Variants in STAT4 observed in about 807,000 individuals in gnomAD.
The protein encoded by STAT4 is signal transducer and activator of transcription 4.
A neutral mutation model predicts 110.5 loss-of-function variants in STAT4; 42 were observed. That is an observed-to-expected ratio of 0.38 (90% confidence interval 0.30 to 0.49). The LOEUF (loss-of-function observed/expected upper bound fraction) is 0.49. Among genes scored for constraint, STAT4 ranks in the 20% least tolerant of loss-of-function variants. The pLI, the probability that STAT4 is intolerant of heterozygous loss-of-function variation, is 0.95. For synonymous variants in STAT4, 284 were observed against 302.2 expected, an observed-to-expected ratio of 0.94 and a Z score of 0.63; for missense variants, 632 against 887.9, an observed-to-expected ratio of 0.71 and a Z score of 3.66.
At chr2:191,048,939 T>C (rs1696439088) in intron 14 of STAT4, among the ~76,000 whole-genome samples, 1 of 151,374 alleles carries the variant, frequency 6.6e-6, no homozygotes, top group Non-Finnish European at 1.5e-5. Context: ...ACACTGAATA[T>C]AATAGCTGGA....
In STAT4 at chr2:191,146,687, G is replaced by GT. The variant is rs1299778574; in HGVS notation, c.198dup (p.Gln67ThrfsTer21). 1 of 1,591,446 alleles carries GT rather than the reference G, an allele frequency of 6.3e-7. No homozygotes were observed. The highest frequency in any genetic ancestry group is 8.6e-7 in the Non-Finnish European group (1 of 1,169,344). ...TTCTCTTTGGAAACACGACCTAACT[G>GT]TTCATCCAGTTGTATTAACAAGTTT... On this transcript the variant is annotated frameshift_variant, in exon 3 of 24. Coordinates refer to ENST00000392320, the MANE Select transcript of STAT4 (RefSeq NM_003151.4). LOFTEE classifies it high-confidence loss of function. This position sits in a 1 kb window ranked among gnomAD's most constrained non-coding sequence, Gnocchi z 4.5.
chr2:191,109,393 A>C (rs1352636898), intron 3 of STAT4, among the ~76,000 whole-genome samples: 4 of 152,050 alleles, frequency 2.6e-5, no homozygotes, highest in Non-Finnish European at 4.4e-5. Context: ...TCAGGCATTC[A>C]CTCAGCAAAT....
Position 191,107,793 on chromosome 2 carries a change from A to C in STAT4, c.274-31468T>G, listed in dbSNP as rs1176022430. Among the ~76,000 whole-genome samples the C allele has an allele frequency of 6.6e-6, 1 of 152,240 alleles. No homozygotes were observed. The highest frequency in any genetic ancestry group is 2.4e-5 in the African/African-American group (1 of 41,460). ...GATGTCCTAACGTATGGTCACAGGA[A>C]GAGAATCTCGATGATAGTTTTAGTT... On this transcript the variant is annotated intron_variant, in intron 3 of 23. Transcript: ENST00000392320. The surrounding 1 kb of genome is among the most constrained non-coding windows in gnomAD (Gnocchi z 4.2).
intron 3 of STAT4, among the ~76,000 whole-genome samples, chr2:191,080,419 T>A (rs114906752): frequency 0.015 from 2,223 of 152,238 alleles, 48 homozygotes; most frequent in African/African-American, 0.045. Flanking sequence ...TATTTTTCCA[T>A]AAAATAATGT....
At position 191,150,673 on chromosome 2, in the gene STAT4, C is replaced by T. The variant is rs572697338; in HGVS notation, c.-2+274G>A. 4.2e-4 allele frequency among the ~76,000 whole-genome samples: 64 copies of T among 152,324 alleles called. No homozygotes were observed. In the South Asian group the frequency reaches 0.012, roughly 30 times the overall value. Reference sequence around the variant, plus strand: ...CACTTTCAGCCTCCGCGAGGACACACCTCCGCAGCCGCCGCAGCTCCCCTG... The same window carrying T: ...CACTTTCAGCCTCCGCGAGGACACATCTCCGCAGCCGCCGCAGCTCCCCTG... On this transcript the variant is annotated intron_variant, in intron 1 of 23. Transcript: ENST00000392320. The surrounding 1 kb of genome is among the most constrained non-coding windows in gnomAD (Gnocchi z 6.4).
At chr2:191,073,722 C>T (rs564519814) in intron 4 of STAT4, among the ~76,000 whole-genome samples, 2 of 152,260 alleles carry the variant, frequency 1.3e-5, no homozygotes, top group South Asian at 4.1e-4. Context: ...GCCCACCATA[C>T]ATAAATATAA....
chr2:191,123,013 A>G (rs1193672960), intron 3 of STAT4, among the ~76,000 whole-genome samples: 2 of 152,370 alleles, frequency 1.3e-5, no homozygotes, highest in African/African-American at 4.8e-5. Flanking sequence ...AGTGATGCAC[A>G]AAAGTGATGC....
In STAT4 at chr2:191,042,932, A is replaced by C. The variant is rs1020284542; in HGVS notation, c.1252-1784T>G. Among the ~76,000 whole-genome samples the C allele has an allele frequency of 4.6e-5, 7 of 152,242 alleles. No homozygotes were observed. Among genetic ancestry groups the C allele is most frequent in the African/African-American group, 1.4e-4 (6 of 41,540 alleles). The stretch of plus-strand genomic sequence containing the variant: ...GTAGCTGGGATTACAGGCATGCGCC[A>C]CCATGCCTGGCTAATTTTGTATTTT... On this transcript the variant is annotated intron_variant, in intron 14 of 23. Coordinates refer to ENST00000392320, the MANE Select transcript of STAT4 (RefSeq NM_003151.4). The surrounding 1 kb of genome is among the most constrained non-coding windows in gnomAD (Gnocchi z 4.2).
intron 3 of STAT4, among the ~76,000 whole-genome samples, chr2:191,093,272 T>A (rs1697857554): frequency 6.6e-6 from 1 of 152,194 alleles, no homozygotes; most frequent in African/African-American, 2.4e-5. Flanking sequence ...CTGTGTAGCC[T>A]AACCGGGAGA....
At chr2:191,119,997 C>T (rs1698675025) in intron 3 of STAT4, among the ~76,000 whole-genome samples, 1 of 152,114 alleles carries the variant, frequency 6.6e-6, no homozygotes, top group South Asian at 2.1e-4. Flanking sequence ...GTAGTATCCA[C>T]ATGGAAAAAG....
At position 191,113,612 on chromosome 2, in the gene STAT4, G is replaced by A. The variant is rs114802617; in HGVS notation, c.273+33001C>T. On this transcript the variant is annotated intron_variant, in intron 3 of 23. Transcript: ENST00000392320. This position sits in a 1 kb window ranked among gnomAD's most constrained non-coding sequence, Gnocchi z 4.8. ...TAAGAAGGCAATTAGGTACCATTAGGGCCAAATTTGTCTTTTGTCATCATG... is the reference window on the plus strand; with the variant it reads ...TAAGAAGGCAATTAGGTACCATTAGAGCCAAATTTGTCTTTTGTCATCATG... 8.8e-3 allele frequency among the ~76,000 whole-genome samples: 1,340 copies of A among 152,218 alleles called. 24 individuals carry two copies. The highest frequency in any genetic ancestry group is 0.03 in the African/African-American group (1,264 of 41,516).
Position 191,116,251 on chromosome 2 carries a change from T to C in STAT4, c.273+30362A>G, listed in dbSNP as rs184763629. 5.9e-5 allele frequency among the ~76,000 whole-genome samples: 9 copies of C among 152,314 alleles called. No individual in the cohort carries two copies. In the East Asian group the frequency reaches 1.7e-3, roughly 29 times the overall value. On this transcript the variant is annotated intron_variant, in intron 3 of 23. Transcript: ENST00000392320. This position sits in a 1 kb window ranked among gnomAD's most constrained non-coding sequence, Gnocchi z 4.1. ...GGGAATTGGTTTGATAATACAGTGC[T>C]TTTACACCTATGATACGACACCACC...
At chr2:191,149,868 A>T (rs1699549568) in intron 1 of STAT4, among the ~76,000 whole-genome samples, 1 of 152,226 alleles carries the variant, frequency 6.6e-6, no homozygotes, top group East Asian at 1.9e-4. Flanking sequence ...TATGATTTGG[A>T]TGAAAAATCT....
At chr2:191,131,899 G>A in intron 3 of STAT4, 1 of 1,417,956 alleles carries the variant, frequency 7.1e-7, no homozygotes. Context: ...CAACCCTGGG[G>A]ACTAAAGCAA....
chr2:191,095,014 C>T lies in STAT4; in HGVS notation c.274-18689G>A, dbSNP rs565714809. Among the ~76,000 whole-genome samples, 1,225 of 151,464 alleles carry T rather than the reference C, an allele frequency of 8.1e-3. 12 individuals are homozygous for T. The highest frequency in any genetic ancestry group is 0.014 in the Middle Eastern group (4 of 292). On this transcript the variant is annotated intron_variant, in intron 3 of 23. Coordinates refer to ENST00000392320, the MANE Select transcript of STAT4 (RefSeq NM_003151.4). Reference sequence around the variant, plus strand: ...GATCAAAAGAGACAAAGAAGGCCATCACATAATGGTAAAGGGATCAATTCA... The same window carrying T: ...GATCAAAAGAGACAAAGAAGGCCATTACATAATGGTAAAGGGATCAATTCA...
rs1049859752 is a variant in STAT4, at chr2:191,060,001, G to A, written c.1035-1232C>T. On this transcript the variant is annotated intron_variant, in intron 10 of 23. Coordinates refer to ENST00000392320, the MANE Select transcript of STAT4 (RefSeq NM_003151.4). This position sits in a 1 kb window ranked among gnomAD's most constrained non-coding sequence, Gnocchi z 4.5. ...CCTTTTGAAACAGGAGGATGCAAAA[G>A]TATGGCAAAGAGGGGTTTTAGGAAA... Among the ~76,000 whole-genome samples, 1 of 152,182 alleles carries A rather than the reference G, an allele frequency of 6.6e-6. No homozygotes were observed.
rs1696849615 is a variant in STAT4 at position 191,061,557 on chromosome 2, G to C, written c.1034+172C>G. On this transcript the variant is annotated intron_variant, in intron 10 of 23. Transcript: ENST00000392320. The surrounding 1 kb of genome is among the most constrained non-coding windows in gnomAD (Gnocchi z 6.2). Reference sequence around the variant, plus strand: ...CACTGTCATGCTCTTGACAAGCAGGGCTCTCATCTTCACATTTCTGTGGGT... The same window carrying C: ...CACTGTCATGCTCTTGACAAGCAGGCCTCTCATCTTCACATTTCTGTGGGT... Among the ~76,000 whole-genome samples, 2 of 152,160 alleles carry C rather than the reference G, an allele frequency of 1.3e-5. No individual in the cohort carries two copies. Among genetic ancestry groups the C allele is most frequent in the Non-Finnish European group, 2.9e-5 (2 of 68,038 alleles).
Position 191,085,054 on chromosome 2 carries a change from C to CAA in STAT4, c.274-8731_274-8730dup, listed in dbSNP as rs374374826. Among the ~76,000 whole-genome samples, 6 of 137,326 alleles carry CAA rather than the reference C, an allele frequency of 4.4e-5. No individual in the cohort carries two copies. The South Asian group carries it at 7.0e-4, about 16-fold the overall frequency. The allele number at this position is 137,326 out of a possible 152,430, so 90.1% of individuals were successfully genotyped here. A position where few individuals can be genotyped will look rare whatever the true frequency, so the allele number is the denominator to read the frequency against. The stretch of plus-strand genomic sequence containing the variant: ...TATTTTTATCTTTTGAGTAAACTAC[C>CAA]AAAAAAAAAAAATGGGAGAGAGAAA... On this transcript the variant is annotated intron_variant, in intron 3 of 23. Coordinates refer to ENST00000392320, the MANE Select transcript of STAT4 (RefSeq NM_003151.4).
intron 14 of STAT4, among the ~76,000 whole-genome samples, chr2:191,049,392 G>A (rs1157388067): frequency 6.6e-6 from 1 of 151,914 alleles, no homozygotes; most frequent in Non-Finnish European, 1.5e-5. Flanking sequence ...TAGCCAGGAT[G>A]GTCTCACTCT....
Sources: allele counts gnomAD v4.1 joint callset (sites outside exome capture counted in the v4.1 genomes callset), GRCh38; gene constraint gnomAD v4.1.1; non-coding constraint Gnocchi (gnomAD v3.1); transcripts MANE v1.5; gene names NCBI Gene and HGNC (gene_info 2026-07-23, HGNC 2026-07-21).